Variants in SLX4 observed in about 807,000 individuals in gnomAD.
SLX4 encodes the protein SLX4 structure-specific endonuclease subunit.
In SLX4, 112 loss-of-function variants were observed where a neutral mutation model predicts 146.2. The observed-to-expected ratio is 0.77, with a 90% CI of 0.66 to 0.90. The LOEUF (loss-of-function observed/expected upper bound fraction) is 0.90, where lower values mean the gene tolerates loss of function less well. Ranked by LOEUF, SLX4 falls within the 40% of genes least tolerant of loss-of-function variation. The probability of loss-of-function intolerance (pLI) is 0.00; values close to 1 mark genes in which losing one functional copy is unlikely to be tolerated. For synonymous variants in SLX4, 1,061 were observed against 997.7 expected, an observed-to-expected ratio of 1.06 and a Z score of -1.20; for missense variants, 2,563 against 2,392.7, an observed-to-expected ratio of 1.07 and a Z score of -1.49.
In SLX4 at chr16:3,601,029, C is replaced by T. The variant is rs748549202; in HGVS notation, c.1113G>A (p.Val371=). The change falls in exon 5 of 15, where the codon GTG becomes GTA. Residue 371 remains valine (V), a synonymous_variant. Coordinates refer to ENST00000294008, the MANE Select transcript of SLX4 (RefSeq NM_032444.4). ...CCTCAGGCTGTGCTGTCTGCAGCCG[C>T]ACAGCCTGAAGCAGGAGCTGGGGGC... ...EVGPQLLLQA[V]RLQTAQPEGS... is the part of the protein sequence containing the mutation. The T allele has an allele frequency of 6.2e-7, 1 of 1,613,980 alleles. No individual in the cohort carries two copies. The highest frequency in any genetic ancestry group is 8.5e-7 in the Non-Finnish European group (1 of 1,180,032).
chr16:3,582,582 C>T lies in SLX4; in HGVS notation c.5265G>A (p.Ala1755=), dbSNP rs527440287. Residue 1755 remains alanine (A), a synonymous_variant, in exon 15 of 15, where the codon GCG becomes GCA. Transcript: ENST00000294008. The part of the protein sequence containing the change: ...AAVQAADTDE[A]LRCYIRSKPA... ...GCTTGGAGCGGATGTAGCACCTCAG[C>T]GCCTCGTCTGTGTCCGCCGCCTGCA... 47 of 1,613,690 alleles carry T rather than the reference C, an allele frequency of 2.9e-5. No individual in the cohort carries two copies. In the Middle Eastern group the frequency reaches 4.9e-4, roughly 17 times the overall value.
At position 3,589,505 on chromosome 16, in the gene SLX4, G is replaced by T. The variant is rs371580654; in HGVS notation, c.4133C>A (p.Pro1378Gln). 6.2e-7 allele frequency: 1 copy of T among 1,609,750 alleles called. No individual in the cohort carries two copies. Among genetic ancestry groups the T allele is most frequent in the Non-Finnish European group, 8.5e-7 (1 of 1,177,032 alleles). ...HFSRRFLKHS[P>Q]PGPSFLNQTP... is the part of the protein sequence containing the mutation. ...CTGGTTCAGGAAGCTTGGCCCAGGC[G>T]GCGAGTGTTTCAGGAACCGCCTGCT... Residue 1378 changes from proline to glutamine, a missense_variant, in exon 12 of 15, where the codon CCG becomes CAG. By Grantham distance (76) the Pro-to-Gln change is moderately conservative (BLOSUM62 -1). Transcript: ENST00000294008. The surrounding 1 kb of genome is among the most constrained non-coding windows in gnomAD (Gnocchi z 6.2).
intron 4 of SLX4, 34 bp from the exon 5 acceptor site, chr16:3,601,225 C>A: frequency 6.2e-7 from 1 of 1,606,268 alleles, no homozygotes. Flanking sequence ...GAGAACCACC[C>A]TCCCCAGGAA....
rs747941542 is a variant in SLX4 at position 3,594,516 on chromosome 16, G to A, written c.2097C>T (p.Ser699=). ...HLSDVQFQTD[S]GEVLYAHKFV... ...ACTTGTGGGCGTAAAGCACCTCCCC[G>A]CTGTCCGTCTGAAACTGGACATCAC... Residue 699 remains serine, a synonymous_variant, in exon 10 of 15, where the codon AGC becomes AGT. Coordinates refer to ENST00000294008, the MANE Select transcript of SLX4 (RefSeq NM_032444.4). The A allele has an allele frequency of 3.9e-5, 63 of 1,613,944 alleles. No individual in the cohort carries two copies. Among genetic ancestry groups the A allele is most frequent in the Non-Finnish European group, 5.1e-5 (60 of 1,180,014 alleles).
In SLX4 at chr16:3,583,228, G is replaced by C. The variant is rs2151116626; in HGVS notation, c.5022C>G (p.Ser1674Arg). The change falls in exon 14 of 15, where the codon AGC becomes AGG. Residue 1674 changes from serine (S) to arginine (R), a missense_variant. Coordinates refer to ENST00000294008, the MANE Select transcript of SLX4 (RefSeq NM_032444.4). ...TGGGCGACCTGCTTGGGGGTGTGAT[G>C]CTTTCATGATGCTTCCTTTGATGTC... ...GPRHQRKHHE[S>R]ITPPSRSPTK... is the part of the protein sequence containing the mutation. 1 of 1,614,220 alleles carries C rather than the reference G, an allele frequency of 6.2e-7. No individual in the cohort carries two copies. The highest frequency in any genetic ancestry group is 8.5e-7 in the Non-Finnish European group (1 of 1,180,050).
rs1231411840 is a variant in SLX4, at chr16:3,589,142, C to T, written c.4496G>A (p.Gly1499Glu). 7.4e-6 allele frequency: 12 copies of T among 1,614,008 alleles called. No homozygotes were observed. The highest frequency in any genetic ancestry group is 1.0e-5 in the Non-Finnish European group (12 of 1,179,998). The change falls in exon 12 of 15, where the codon GGG (glycine) becomes GAG (glutamate). Residue 1499 changes from glycine (G) to glutamate (E), a missense_variant. Physicochemically the swap from Gly to Glu is moderately conservative, Grantham distance 98. Coordinates refer to ENST00000294008, the MANE Select transcript of SLX4 (RefSeq NM_032444.4). This position sits in a 1 kb window ranked among gnomAD's most constrained non-coding sequence, Gnocchi z 6.2. ...ATTCAGAAAGCTCGGCCTGCTATTC[C>T]CCAGGGAGCCCGCGCCCGAGGACTT... ...QEKSSGAGSL[G>E]NSRPSFLNSA...
chr16:3,589,875 A>C lies in SLX4; in HGVS notation c.3763T>G (p.Trp1255Gly). 6.2e-7 allele frequency: 1 copy of C among 1,613,690 alleles called. No individual in the cohort carries two copies. Among genetic ancestry groups the C allele is most frequent in the Non-Finnish European group, 8.5e-7 (1 of 1,180,006 alleles). Reference sequence around the variant, plus strand: ...GCCAGCGGGGTGGCGGGCACCAGCCACGAGGTGTCTGTGGTGCTGGCCTCG... The same window carrying C: ...GCCAGCGGGGTGGCGGGCACCAGCCCCGAGGTGTCTGTGGTGCTGGCCTCG... ...PSEASTTDTS[W>G]LVPATPLASR... is the part of the protein sequence containing the mutation. Residue 1255 changes from tryptophan to glycine, a missense_variant, in exon 12 of 15, where the codon TGG (tryptophan) becomes GGG (glycine). Transcript: ENST00000294008. The surrounding 1 kb of genome is among the most constrained non-coding windows in gnomAD (Gnocchi z 6.2).
rs368434737 is a variant in SLX4, at chr16:3,589,542, G to A, written c.4096C>T (p.Arg1366Cys). 16 of 1,610,202 alleles carry A rather than the reference G, an allele frequency of 9.9e-6. No individual in the cohort carries two copies. Among genetic ancestry groups the A allele is most frequent in the South Asian group, 9.9e-5 (9 of 91,066 alleles). ...PLAPHPISGD[R>C]AHFSRRFLKH... The stretch of plus-strand genomic sequence containing the variant: ...AGGAACCGCCTGCTGAAGTGGGCGC[G>A]GTCCCCTGAGATGGGATGTGGAGCC... Residue 1366 changes from arginine to cysteine, a missense_variant, in exon 12 of 15, where the codon CGC becomes TGC. Arg to Cys is a radical substitution (Grantham distance 180). Coordinates refer to ENST00000294008, the MANE Select transcript of SLX4 (RefSeq NM_032444.4). The surrounding 1 kb of genome is among the most constrained non-coding windows in gnomAD (Gnocchi z 6.2).
Position 3,591,052 on chromosome 16 carries a change from T to A in SLX4, c.2586A>T (p.Arg862=). 6.2e-7 allele frequency: 1 copy of A among 1,614,196 alleles called. No individual in the cohort carries two copies. Among genetic ancestry groups the A allele is most frequent in the Non-Finnish European group, 8.5e-7 (1 of 1,180,034 alleles). ...CTGCCCTTTCTTCCTGGAGAAGCTT[T>A]CGCTGAGTAGCTGCAAATTCATAAA... ...EEIYEFAATQ[R]KLLQEERAAG... The change falls in exon 12 of 15, where the codon CGA becomes CGT. Residue 862 remains arginine, a synonymous_variant. Coordinates refer to ENST00000294008, the MANE Select transcript of SLX4 (RefSeq NM_032444.4).
rs80186343 is a variant in SLX4, at chr16:3,595,468, C to G, written c.2013+137G>C. The G allele has an allele frequency of 0.061, 57,188 of 930,750 alleles. 1,934 individuals carry two copies. Among genetic ancestry groups the G allele is most frequent in the African/African-American group, 0.088 (5,389 of 61,550 alleles). 57.7% of individuals were successfully genotyped at this position (930,750 alleles called of 1,614,324 possible). A position where few individuals can be genotyped will look rare whatever the true frequency, so the allele number is the denominator to read the frequency against. On this transcript the variant is annotated intron_variant, in intron 9 of 14. Transcript: ENST00000294008. ...GCTCACGGATGTCAGGATGTGGCAG[C>G]CTTCTGGAAAGCAGAGGCCTTGAGA...
intron 3 of SLX4, among the ~76,000 whole-genome samples, chr16:3,604,375 T>A (rs1231633540): frequency 2.0e-5 from 3 of 152,014 alleles, no homozygotes; most frequent in Admixed American, 1.3e-4. Flanking sequence ...CTACAAAAAA[T>A]AACCTTGAGA....
At chr16:3,601,312 C>T in intron 4 of SLX4, 121 bp from the exon 5 acceptor site, 1 of 963,494 alleles carries the variant, frequency 1.0e-6, no homozygotes, top group Non-Finnish European at 1.6e-6. Flanking sequence ...AGCCAATCCC[C>T]TCTACACAGC....
chr16:3,604,075 CA>C (rs1486981184), intron 3 of SLX4, among the ~76,000 whole-genome samples: 1 of 151,588 alleles, frequency 6.6e-6, no homozygotes, highest in African/African-American at 2.4e-5. Context: ...AGTAAAAATA[CA>C]AAAAAATTAG....
Position 3,583,366 on chromosome 16 carries a change from G to A in SLX4, c.4884C>T (p.Thr1628=). The change falls in exon 14 of 15, where the codon ACC becomes ACT. Residue 1628 remains threonine, a synonymous_variant. Transcript: ENST00000294008. The part of the protein sequence containing the change: ...QPLLQAPHCQ[T]LASQTYKPSR... ...AAGGCTTGTAGGTCTGGGAGGCGAG[G>A]GTCTGGCAGTGAGGCGCCTGCAACA... 1 of 1,613,198 alleles carries A rather than the reference G, an allele frequency of 6.2e-7. No individual in the cohort carries two copies. The highest frequency in any genetic ancestry group is 8.5e-7 in the Non-Finnish European group (1 of 1,179,264).
At chr16:3,595,041 G>A (rs1436227855) in intron 9 of SLX4, among the ~76,000 whole-genome samples, 3 of 152,198 alleles carry the variant, frequency 2.0e-5, no homozygotes, top group Non-Finnish European at 4.4e-5. Context: ...GATGTCCCTA[G>A]GCTGGCCTTG....
At chr16:3,592,080 C>G (rs948291407) in intron 11 of SLX4, among the ~76,000 whole-genome samples, 5 of 152,272 alleles carry the variant, frequency 3.3e-5, no homozygotes, top group African/African-American at 9.6e-5. Flanking sequence ...AACGGGCAAG[C>G]CAGCCAGCCA....
At chr16:3,592,296 T>C (rs1336792281) in intron 11 of SLX4, among the ~76,000 whole-genome samples, 1 of 152,264 alleles carries the variant, frequency 6.6e-6, no homozygotes, top group South Asian at 2.1e-4. Flanking sequence ...GCATCTGGGA[T>C]GCAGCCTAAG....
Position 3,596,440 on chromosome 16 carries a change from A to G in SLX4, c.1684-47T>C, listed in dbSNP as rs1470586738. The stretch of plus-strand genomic sequence containing the variant: ...AGTGACCACGTGGTCACTGTCATTG[A>G]CGCACACACTGCAGAAGCCATCACA... On this transcript the variant is annotated intron_variant, in intron 7 of 14. Coordinates refer to ENST00000294008, the MANE Select transcript of SLX4 (RefSeq NM_032444.4). 1.9e-6 allele frequency: 3 copies of G among 1,548,734 alleles called. No homozygotes were observed. The Admixed American group carries it at 5.5e-5, about 28-fold the overall frequency.
chr16:3,588,299 G>C (rs1470885843), intron 12 of SLX4, among the ~76,000 whole-genome samples: 1 of 152,160 alleles, frequency 6.6e-6, no homozygotes, highest in Non-Finnish European at 1.5e-5. Context: ...GCCTATTCTA[G>C]ACATTTCATA....
Sources: gnomAD v4.1 joint callset for allele counts (sites outside exome capture counted in the v4.1 genomes callset) on GRCh38, gnomAD v4.1.1 for gene constraint, Gnocchi (gnomAD v3.1) non-coding constraint, MANE v1.5 for transcripts, NCBI Gene and HGNC (gene_info 2026-07-23, HGNC 2026-07-21) for gene names.